Variants in PDE7B observed in about 807,000 individuals in gnomAD.
The protein encoded by PDE7B is phosphodiesterase 7B.
PDE7B carries 29 observed loss-of-function variants against 56.2 expected under a neutral mutation model. The observed-to-expected ratio is 0.52, with a 90% confidence interval of 0.38 to 0.70. The LOEUF (loss-of-function observed/expected upper bound fraction) is 0.70. Ranked by LOEUF, PDE7B falls within the 30% of genes least tolerant of loss-of-function variation. The probability of loss-of-function intolerance (pLI) is 0.00; values close to 1 mark genes in which losing one functional copy is unlikely to be tolerated. For missense variants in PDE7B, 490 were observed against 565.0 expected, an observed-to-expected ratio of 0.87 and a Z score of 1.35; for synonymous variants, 197 against 196.9, an observed-to-expected ratio of 1.00 and a Z score of 0.00.
rs762614359 is a variant in PDE7B, at chr6:136,191,608, T to A, written c.1127-6T>A. On this transcript the variant is annotated splice_region_variant and splice_polypyrimidine_tract_variant and intron_variant, in intron 12 of 12. Transcript: ENST00000308191. ...GTGATGCTGAGCCTTGACTTGCCTG[T>A]TCTAGGTTTCATGAGCTACATCGTG... 62 of 1,612,176 alleles carry A rather than the reference T, an allele frequency of 3.8e-5. 1 individual carries two copies. The East Asian group carries it at 9.1e-4, about 24-fold the overall frequency.
At chr6:135,879,576 C>G (rs541357250) in intron 1 of PDE7B, among the ~76,000 whole-genome samples, 54 of 151,926 alleles carry the variant, frequency 3.6e-4, no homozygotes, top group Non-Finnish European at 6.8e-4. Flanking sequence ...TTAACCAATA[C>G]TCGTCTCAGT....
chr6:136,103,346 A>T (rs118108700), intron 2 of PDE7B, among the ~76,000 whole-genome samples: 3,281 of 152,328 alleles, frequency 0.022, 65 homozygotes, highest in Non-Finnish European at 0.033. Flanking sequence ...TGCTTGTGCT[A>T]TCCCATAAAT....
chr6:136,017,230 A>C (rs1330091440), intron 2 of PDE7B, among the ~76,000 whole-genome samples: 1 of 152,244 alleles, frequency 6.6e-6, no homozygotes, highest in African/African-American at 2.4e-5. Context: ...CAGTAACTTA[A>C]ATAGGAAGTA....
intron 2 of PDE7B, chr6:136,049,465 T>C (rs986869292): frequency 1.3e-5 from 2 of 151,912 alleles, no homozygotes; most frequent in East Asian, 1.9e-4. Flanking sequence ...TGAGAAAACA[T>C]ATAAGAAAAA....
chr6:136,101,798 G>T (rs560402126), intron 2 of PDE7B, among the ~76,000 whole-genome samples: 1 of 152,170 alleles, frequency 6.6e-6, no homozygotes, highest in Non-Finnish European at 1.5e-5. Context: ...ACCACTAGGG[G>T]TTCATGGGTC....
At chr6:136,095,414 G>C (rs1029959450) in intron 2 of PDE7B, among the ~76,000 whole-genome samples, 1 of 152,134 alleles carries the variant, frequency 6.6e-6, no homozygotes, top group African/African-American at 2.4e-5. Flanking sequence ...TGGCAAAGCA[G>C]TTTTATCCAG....
rs1583921639 is a variant in PDE7B, at chr6:136,169,868, C to T, written c.712-3929C>T. On this transcript the variant is annotated intron_variant, in intron 8 of 12. Coordinates refer to ENST00000308191, the MANE Select transcript of PDE7B (RefSeq NM_018945.4). ...CCAGTTGATAAAAGTAACAAAATTT[C>T]ATTACTGCTTCAAACATGGTCAAGT... Among the ~76,000 whole-genome samples, 2 of 152,260 alleles carry T rather than the reference C, an allele frequency of 1.3e-5. 1 individual carries two copies. Among genetic ancestry groups the T allele is most frequent in the Non-Finnish European group, 2.9e-5 (2 of 68,004 alleles).
chr6:136,012,396 G>C (rs1280691167), intron 2 of PDE7B, among the ~76,000 whole-genome samples: 1 of 152,218 alleles, frequency 6.6e-6, no homozygotes, highest in Non-Finnish European at 1.5e-5. Flanking sequence ...TGGACATGCT[G>C]ACTCAGCCTA....
chr6:135,947,736 T>C (rs1774617986), intron 2 of PDE7B, among the ~76,000 whole-genome samples: 1 of 152,100 alleles, frequency 6.6e-6, no homozygotes. Flanking sequence ...TCAAGGACCA[T>C]GCTTCTGAGT....
chr6:136,178,295 T>G (rs1163470047), intron 9 of PDE7B, among the ~76,000 whole-genome samples: 1 of 152,228 alleles, frequency 6.6e-6, no homozygotes, highest in East Asian at 1.9e-4. Context: ...GTATTCCCTA[T>G]GCATTCTACT....
At chr6:136,012,293 G>C (rs1027007193) in intron 2 of PDE7B, among the ~76,000 whole-genome samples, 1 of 152,050 alleles carries the variant, frequency 6.6e-6, no homozygotes, top group African/African-American at 2.4e-5. Context: ...GCTCTCTCTT[G>C]ATCTGTTTCT....
At chr6:135,866,140 A>C (rs1207534987) in intron 1 of PDE7B, among the ~76,000 whole-genome samples, 1 of 152,190 alleles carries the variant, frequency 6.6e-6, no homozygotes, top group Non-Finnish European at 1.5e-5. Context: ...TCAGAAGGGC[A>C]TAAAATGAAA....
intron 12 of PDE7B, 93 bp from the exon 13 acceptor site, chr6:136,191,521 G>A: frequency 3.9e-6 from 4 of 1,034,876 alleles, no homozygotes; most frequent in Non-Finnish European, 5.8e-6. Flanking sequence ...ACAAAAATTA[G>A]CCGGGCGTGG....
chr6:136,112,776 A>G (rs1777770043), intron 3 of PDE7B, among the ~76,000 whole-genome samples: 3 of 152,276 alleles, frequency 2.0e-5, no homozygotes, highest in African/African-American at 7.2e-5. Context: ...CTACTTGCAC[A>G]TTCTTCTGGA....
At chr6:135,888,632 G>A (rs1775753651) in intron 1 of PDE7B, among the ~76,000 whole-genome samples, 1 of 151,450 alleles carries the variant, frequency 6.6e-6, no homozygotes, top group Non-Finnish European at 1.5e-5. Context: ...GTCGACAGTA[G>A]GTGTACTAGT....
In PDE7B at chr6:135,958,715, A is replaced by C. The variant is rs183735635; in HGVS notation, c.82+11191A>C. Among the ~76,000 whole-genome samples the C allele has an allele frequency of 1.0e-3, 159 of 152,274 alleles. 1 individual carries two copies. Among genetic ancestry groups the C allele is most frequent in the African/African-American group, 3.6e-3 (151 of 41,576 alleles). ...TCAATTGCTATCTTTGAACTGTAGC[A>C]TTTCTTTTTCATATCTAATTGCCAA... On this transcript the variant is annotated intron_variant, in intron 2 of 12. Coordinates refer to ENST00000308191, the MANE Select transcript of PDE7B (RefSeq NM_018945.4).
chr6:135,917,524 G>A (rs1773978892), intron 1 of PDE7B, among the ~76,000 whole-genome samples: 1 of 151,276 alleles, frequency 6.6e-6, no homozygotes, highest in Non-Finnish European at 1.5e-5. Flanking sequence ...CCTTAAATGT[G>A]CTGTTAATAG....
Position 136,028,307 on chromosome 6 carries a change from T to C in PDE7B, c.83-80424T>C, listed in dbSNP as rs1386426298. 2.6e-5 allele frequency among the ~76,000 whole-genome samples: 4 copies of C among 152,176 alleles called. No homozygotes were observed. In the South Asian group the frequency reaches 6.2e-4, roughly 24 times the overall value. ...GATAAGAGGTCCTGCTTTGTTTAAA[T>C]AGAAGAGTCAGCTTTAAGGTGGGGC... On this transcript the variant is annotated intron_variant, in intron 2 of 12. Transcript: ENST00000308191.
chr6:135,945,754 C>CAACTTAACTT (rs1774586769), intron 1 of PDE7B, among the ~76,000 whole-genome samples: 4 of 152,076 alleles, frequency 2.6e-5, no homozygotes, highest in Non-Finnish European at 5.9e-5. Flanking sequence ...CATCTTCGGT[C>CAACTTAACTT]TCCTTAAGGG....
Sources: gnomAD v4.1 joint callset for allele counts (sites outside exome capture counted in the v4.1 genomes callset) on GRCh38, gnomAD v4.1.1 for gene constraint, MANE v1.5 for transcripts, NCBI Gene and HGNC (gene_info 2026-07-23, HGNC 2026-07-21) for gene names.